The following SNTG1 variants were observed in gnomAD, a reference collection of about 807,000 sequenced individuals.
SNTG1 encodes syntrophin gamma 1, also known as gamma-1-syntrophin.
Under a neutral mutation model 74.7 loss-of-function variants are expected in SNTG1, and 39 were observed. That is an observed-to-expected ratio of 0.52 (90% CI 0.40 to 0.68). The LOEUF is 0.68. SNTG1 is among the 30% of genes least tolerant of loss of function. The pLI is 0.00. For missense variants in SNTG1, 685 were observed against 609.5 expected (o/e 1.12, Z -1.30); for synonymous variants, 254 against 217.1 (o/e 1.17, Z -1.49).
At chr8:50,250,479 A>AT (rs905852583) in intron 2 of SNTG1, among the ~76,000 whole-genome samples, 3 of 152,162 alleles carry the variant, frequency 2.0e-5, no homozygotes, top group Non-Finnish European at 4.4e-5. Context: ...GTTTTCAATG[A>AT]TTTTTAACCC....
At chr8:50,330,829 C>G (rs115990506) in intron 2 of SNTG1, among the ~76,000 whole-genome samples, 1 of 152,034 alleles carries the variant, frequency 6.6e-6, no homozygotes, top group Non-Finnish European at 1.5e-5. Flanking sequence ...TAAAACCATT[C>G]GATCTTGTAA....
intron 2 of SNTG1, among the ~76,000 whole-genome samples, chr8:50,205,972 C>T (rs1368677675): frequency 1.3e-5 from 2 of 152,086 alleles, no homozygotes; most frequent in Non-Finnish European, 1.5e-5. Flanking sequence ...TTACTGTAGA[C>T]TTGTAGTATA....
chr8:50,449,621 C>A, intron 5 of SNTG1, 47 bp from the exon 6 acceptor site: 1 of 1,457,222 alleles, frequency 6.9e-7, no homozygotes, highest in Non-Finnish European at 9.3e-7. Flanking sequence ...CTAAAAGCAG[C>A]ATTTTTTTTA....
intron 4 of SNTG1, among the ~76,000 whole-genome samples, chr8:50,426,990 T>C (rs1438910271): frequency 6.6e-6 from 1 of 152,184 alleles, no homozygotes; most frequent in African/African-American, 2.4e-5. Flanking sequence ...GAGATGTATG[T>C]AGATCACATG....
rs543337368 is a variant in SNTG1 at position 50,061,948 on chromosome 8, T to A, written c.-102-110613T>A. Among the ~76,000 whole-genome samples the A allele has an allele frequency of 1.3e-3, 197 of 152,274 alleles. 2 individuals are homozygous for A. Among genetic ancestry groups the A allele is most frequent in the Admixed American group, 5.9e-4 (9 of 15,288 alleles). On this transcript the variant is annotated intron_variant, in intron 1 of 18. Coordinates refer to ENST00000642720, the MANE Select transcript of SNTG1 (RefSeq NM_018967.5). Reference sequence around the variant, plus strand: ...TGTATTCTGCTACTAATGGGTAAAATATGGTTGGTTGATTGTGTTCTTCAC... The same window carrying A: ...TGTATTCTGCTACTAATGGGTAAAAAATGGTTGGTTGATTGTGTTCTTCAC...
chr8:50,788,292 T>C (rs2095681542), intron 18 of SNTG1, among the ~76,000 whole-genome samples: 1 of 152,024 alleles, frequency 6.6e-6, no homozygotes, highest in African/African-American at 2.4e-5. Flanking sequence ...ATAATGCTAT[T>C]AAGCAAGTGA....
chr8:50,640,671 A>G (rs2095066882), intron 13 of SNTG1, among the ~76,000 whole-genome samples: 2 of 152,102 alleles, frequency 1.3e-5, no homozygotes, highest in Non-Finnish European at 2.9e-5. Flanking sequence ...AGTACTTTCC[A>G]TATGACAAAA....
intron 8 of SNTG1, among the ~76,000 whole-genome samples, chr8:50,494,371 AT>A (rs1193189572): frequency 8.6e-5 from 13 of 151,836 alleles, no homozygotes; most frequent in Admixed American, 1.3e-4. Flanking sequence ...CGTTTATTTT[AT>A]TTATACTACC....
At chr8:50,345,981 A>C (rs1477813289) in intron 2 of SNTG1, among the ~76,000 whole-genome samples, 1 of 152,188 alleles carries the variant, frequency 6.6e-6, no homozygotes, top group Non-Finnish European at 1.5e-5. Context: ...AGTTATCTCT[A>C]TCGGTATTAT....
chr8:50,421,270 C>A (rs2093083155), intron 4 of SNTG1, among the ~76,000 whole-genome samples: 1 of 152,094 alleles, frequency 6.6e-6, no homozygotes, highest in Non-Finnish European at 1.5e-5. Context: ...ATGGTTACTT[C>A]ATAGGCAGAG....
intron 18 of SNTG1, among the ~76,000 whole-genome samples, chr8:50,778,399 C>T (rs1258600115): frequency 1.3e-5 from 2 of 152,034 alleles, no homozygotes; most frequent in East Asian, 1.9e-4. Context: ...GCCATTCTAA[C>T]TGGTGTGAGA....
At chr8:50,214,343 G>T (rs1476771900) in intron 2 of SNTG1, among the ~76,000 whole-genome samples, 2 of 150,720 alleles carry the variant, frequency 1.3e-5, no homozygotes, top group Non-Finnish European at 3.0e-5. Flanking sequence ...CACCAGCATG[G>T]CACATGTATA....
chr8:49,938,611 C>CT (rs71928710), intron 1 of SNTG1, among the ~76,000 whole-genome samples: 425 of 12,430 alleles, frequency 0.034, 14 homozygotes, highest in Middle Eastern at 0.1. Context: ...TCTTTTCTTT[C>CT]TTTCTTTCTT....
rs1306996862 is a variant in SNTG1 at position 50,102,159 on chromosome 8, G to C, written c.-102-70402G>C. On this transcript the variant is annotated intron_variant, in intron 1 of 18. Coordinates refer to ENST00000642720, the MANE Select transcript of SNTG1 (RefSeq NM_018967.5). ...ACTGACTTCCACAATGGTTGAACTA[G>C]TTTACAGTCCCACCAACAGTGTAAA... Among the ~76,000 whole-genome samples, 11 of 147,766 alleles carry C rather than the reference G, an allele frequency of 7.4e-5. 1 individual carries two copies. The highest frequency in any genetic ancestry group is 2.5e-4 in the African/African-American group (10 of 40,474).
chr8:50,159,453 GTTT>G (rs1281765836), intron 1 of SNTG1, among the ~76,000 whole-genome samples: 1 of 151,848 alleles, frequency 6.6e-6, no homozygotes, highest in Non-Finnish European at 1.5e-5. Flanking sequence ...CATCCATCTG[GTTT>G]TAAACTTCCA....
At chr8:50,005,527 T>C (rs1344230314) in intron 1 of SNTG1, among the ~76,000 whole-genome samples, 2 of 152,114 alleles carry the variant, frequency 1.3e-5, no homozygotes, top group African/African-American at 4.8e-5. Flanking sequence ...ATATATTTGT[T>C]AAATAGAATT....
intron 1 of SNTG1, among the ~76,000 whole-genome samples, chr8:50,041,040 G>T (rs796967046): frequency 3.3e-5 from 5 of 152,148 alleles, no homozygotes; most frequent in African/African-American, 1.2e-4. Flanking sequence ...GGGATTACAG[G>T]CATGTTCCAC....
intron 17 of SNTG1, among the ~76,000 whole-genome samples, chr8:50,713,107 A>G (rs2095466304): frequency 6.6e-6 from 1 of 151,938 alleles, no homozygotes; most frequent in African/African-American, 2.4e-5. Context: ...ACTAATTTAC[A>G]CTCCCCACCA....
chr8:49,911,575 GA>G lies in SNTG1; in HGVS notation c.-749del, dbSNP rs11432600. 15 of 145,658 alleles carry G rather than the reference GA, an allele frequency of 1.0e-4. No individual in the cohort carries two copies. Among genetic ancestry groups the G allele is most frequent in the African/African-American group, 2.0e-4 (8 of 39,740 alleles). 9.0% of individuals were successfully genotyped at this position (145,658 alleles called of 1,614,324 possible). A position where few individuals can be genotyped will look rare whatever the true frequency, so the allele number is the denominator to read the frequency against. ...ACAAAAAAAAAAAAGAAAGAAAAAAGAAAAAAAAAAGAACCGGAGGGGAGAA... is the reference window on the plus strand; with the variant it reads ...ACAAAAAAAAAAAAGAAAGAAAAAAGAAAAAAAAAGAACCGGAGGGGAGAA... On this transcript the variant is annotated 5_prime_UTR_variant, in exon 1 of 19. Coordinates refer to ENST00000642720, the MANE Select transcript of SNTG1 (RefSeq NM_018967.5).
Sources: gnomAD v4.1 joint callset for allele counts (sites outside exome capture counted in the v4.1 genomes callset) on GRCh38, gnomAD v4.1.1 for gene constraint, MANE v1.5 for transcripts, NCBI Gene and HGNC (gene_info 2026-07-23, HGNC 2026-07-21) for gene names.